Variants in TCEAL3 observed in about 807,000 individuals in gnomAD.
The protein encoded by TCEAL3 is transcription elongation factor A like 3.
For synonymous variants in TCEAL3, 41 were observed against 60.2 expected, an observed-to-expected ratio of 0.68 and a Z score of 1.48; for missense variants, 99 against 156.4, an observed-to-expected ratio of 0.63 and a Z score of 1.96.
intron 1 of TCEAL3, 64 bp from the exon 2 acceptor site, chrX:103,608,540 G>A: frequency 2.9e-6 from 1 of 350,048 alleles, no homozygotes; most frequent in Non-Finnish European, 4.7e-6. Flanking sequence ...TCAGGAAAGG[G>A]AACCGAGTCC....
At chrX:103,608,419 C>G (rs1476793258) in intron 1 of TCEAL3, among the ~76,000 whole-genome samples, 185 bp from the exon 2 acceptor site, 1 of 112,332 alleles carries the variant, frequency 8.9e-6, no homozygotes, top group Non-Finnish European at 1.9e-5. Flanking sequence ...GACACAGAGA[C>G]AAACGCAGTT....
chrX:103,608,816 C>A, intron 2 of TCEAL3, 143 bp downstream of exon 2: 1 of 515,422 alleles, frequency 1.9e-6, no homozygotes, highest in African/African-American at 2.4e-5. Flanking sequence ...TGAACCAGTG[C>A]AGAGAAGGTG....
Position 103,609,305 on chromosome X carries a change from G to T in TCEAL3, c.241G>T (p.Glu81Ter). 1 of 1,212,124 alleles carries T rather than the reference G, an allele frequency of 8.2e-7. No individual in the cohort carries two copies. The highest frequency in any genetic ancestry group is 1.1e-6 in the Non-Finnish European group (1 of 895,598). The stretch of plus-strand genomic sequence containing the variant: ...CGAAGGTGAGGGCAAGCCACAAGGC[G>T]AGGGCAAGCCAGCCTCCCAGGCAAA... ...RSEGEGKPQG[E>*]GKPASQAKPE... is the part of the protein sequence containing the mutation. Residue 81 changes from glutamate to a stop codon, truncating the protein, a stop_gained, in exon 3 of 3, where the codon GAG becomes TAG. Coordinates refer to ENST00000372627, the MANE Select transcript of TCEAL3 (RefSeq NM_032926.3). LOFTEE classifies it low-confidence loss of function (END_TRUNC).
Position 103,609,736 on chromosome X carries a change from T to C in TCEAL3, c.*69T>C. The C allele has an allele frequency of 8.6e-7, 1 of 1,156,675 alleles. No homozygotes were observed. The highest frequency in any genetic ancestry group is 1.2e-6 in the Non-Finnish European group (1 of 861,347). On this transcript the variant is annotated 3_prime_UTR_variant, in exon 3 of 3. Transcript: ENST00000372627. ...TGGCCCTGCTTTCCCTGGTAGGTATTTGCCAGGCCCAATGCTTTAACCTTA... is the reference window on the plus strand; with the variant it reads ...TGGCCCTGCTTTCCCTGGTAGGTATCTGCCAGGCCCAATGCTTTAACCTTA...
At chrX:103,608,968 A>T (rs2073642705) in intron 2 of TCEAL3, 70 bp from the exon 3 acceptor site, 1 of 1,135,271 alleles carries the variant, frequency 8.8e-7, no homozygotes, top group African/African-American at 1.8e-5. Flanking sequence ...CCAGACCTGC[A>T]TTCCACCCCA....
rs2073649922 is a variant in TCEAL3, at chrX:103,609,893, T to C, written c.*226T>C. On this transcript the variant is annotated 3_prime_UTR_variant, in exon 3 of 3. Coordinates refer to ENST00000372627, the MANE Select transcript of TCEAL3 (RefSeq NM_032926.3). The stretch of plus-strand genomic sequence containing the variant: ...ATGTTCATGGTACATTGTAAAAAAA[T>C]AAAATTAAAATTAAAAAAAGTTTGC... 4 of 403,443 alleles carry C rather than the reference T, an allele frequency of 9.9e-6. No individual in the cohort carries two copies. The East Asian group carries it at 1.7e-4, about 17-fold the overall frequency. The allele number at this position is 403,443 out of a possible 1,213,427, so 33.2% of individuals were successfully genotyped here.
chrX:103,608,946 T>C, intron 2 of TCEAL3, 92 bp from the exon 3 acceptor site: 1 of 1,096,705 alleles, frequency 9.1e-7, no homozygotes, highest in Non-Finnish European at 1.2e-6. Flanking sequence ...AGGGGTGAGA[T>C]GCAAGTACTA....
chrX:103,608,748 G>T, intron 2 of TCEAL3, 75 bp downstream of exon 2: 1 of 446,869 alleles, frequency 2.2e-6, no homozygotes, highest in Non-Finnish European at 3.7e-6. Flanking sequence ...GGCCCGGCCA[G>T]GGCCGAACTG....
At chrX:103,608,903 T>A (rs987352222) in intron 2 of TCEAL3, 135 bp from the exon 3 acceptor site, 1 of 919,153 alleles carries the variant, frequency 1.1e-6, no homozygotes, top group Non-Finnish European at 1.5e-6. Flanking sequence ...AAGGCCCTCT[T>A]GGGGGCCCTG....
Position 103,609,610 on chromosome X carries a change from G to C in TCEAL3, c.546G>C (p.Arg182Ser). The C allele has an allele frequency of 8.3e-7, 1 of 1,211,962 alleles. No homozygotes were observed. The highest frequency in any genetic ancestry group is 1.1e-6 in the Non-Finnish European group (1 of 895,567). The change falls in exon 3 of 3, where the codon AGG becomes AGC. Residue 182 changes from arginine (R) to serine (S), a missense_variant. By Grantham distance (110) the Arg-to-Ser change is moderately radical. Transcript: ENST00000372627. Reference protein sequence around the residue: ...PFAPRGQRGVRGVRGGGRGQR... With the variant: ...PFAPRGQRGVSGVRGGGRGQR... ...CCCCAAGGGGACAACGGGGTGTCAG[G>C]GGAGTGAGGGGTGGAGGTAGGGGCC...
Position 103,609,346 on chromosome X carries a change from G to T in TCEAL3, c.282G>T (p.Pro94=), listed in dbSNP as rs752835546. 2.5e-6 allele frequency: 3 copies of T among 1,211,913 alleles called. No homozygotes were observed. The highest frequency in any genetic ancestry group is 2.2e-5 in the Admixed American group (1 of 46,082). ...PASQAKPESQ[P]RAAEKRPAED... Reference sequence around the variant, plus strand: ...CCCAGGCAAAGCCAGAGAGCCAGCCGCGGGCCGCCGAAAAGCGCCCGGCTG... The same window carrying T: ...CCCAGGCAAAGCCAGAGAGCCAGCCTCGGGCCGCCGAAAAGCGCCCGGCTG... The change falls in exon 3 of 3, where the codon CCG becomes CCT. Residue 94 remains proline (P), a synonymous_variant. Transcript: ENST00000372627.
rs754999104 is a variant in TCEAL3, at chrX:103,609,107, G to A, written c.43G>A (p.Glu15Lys). The A allele has an allele frequency of 8.3e-7, 1 of 1,207,554 alleles. No individual in the cohort carries two copies. The highest frequency in any genetic ancestry group is 1.7e-5 in the African/African-American group (1 of 57,515). ...YNKNEGNLEN[E>K]GKPEDEVEPD... ...TAAAAATGAAGGAAACCTGGAAAAC[G>A]AGGGAAAGCCAGAAGATGAAGTAGA... The change falls in exon 3 of 3, where the codon GAG becomes AAG. Residue 15 changes from glutamate to lysine, a missense_variant. Glu to Lys is a moderately conservative substitution (Grantham distance 56). Transcript: ENST00000372627.
Position 103,609,843 on chromosome X carries a change from A to AT in TCEAL3, c.*180dup, listed in dbSNP as rs1212182657. Reference sequence around the variant, plus strand: ...ACGGCGCTCTATATTTTAGTAGAGGATTTTCACCCATGTGCATGGAAAAGA... The same window carrying AT: ...ACGGCGCTCTATATTTTAGTAGAGGATTTTTCACCCATGTGCATGGAAAAGA... On this transcript the variant is annotated 3_prime_UTR_variant, in exon 3 of 3. Transcript: ENST00000372627. The AT allele has an allele frequency of 9.1e-6, 5 of 547,587 alleles. No individual in the cohort carries two copies. The highest frequency in any genetic ancestry group is 1.4e-5 in the Non-Finnish European group (5 of 354,532). 45.1% of individuals were successfully genotyped at this position (547,587 alleles called of 1,213,427 possible).
chrX:103,608,345 A>T (rs2147633013), intron 1 of TCEAL3, among the ~76,000 whole-genome samples: 1 of 112,829 alleles, frequency 8.9e-6, no homozygotes, highest in South Asian at 3.6e-4. Flanking sequence ...ATCTGCTCCC[A>T]TGGAAACATC....
At chrX:103,608,198 G>A (rs12845537) in intron 1 of TCEAL3, 140 bp downstream of exon 1, 4,744 of 112,937 alleles carry the variant, frequency 0.042, 112 homozygotes, top group Non-Finnish European at 0.062. Context: ...AAGGGCGGGG[G>A]AGCCTGGCCC....
rs772162095 is a variant in TCEAL3 at position 103,609,406 on chromosome X, G to A, written c.342G>A (p.Thr114=). 5 of 1,211,564 alleles carry A rather than the reference G, an allele frequency of 4.1e-6. No homozygotes were observed. In the South Asian group the frequency reaches 5.3e-5, roughly 13 times the overall value. ...TGCCCCGGAAAGCAAAAAGAAAAAC[G>A]GACAGGGGGACGGACGATTCCCCCA... The part of the protein sequence containing the change: ...DYVPRKAKRK[T]DRGTDDSPKD... Residue 114 remains threonine (T), a synonymous_variant, in exon 3 of 3, where the codon ACG becomes ACA. Coordinates refer to ENST00000372627, the MANE Select transcript of TCEAL3 (RefSeq NM_032926.3).
Position 103,609,675 on chromosome X carries a change from G to A in TCEAL3, c.*8G>A, listed in dbSNP as rs1461869270. On this transcript the variant is annotated 3_prime_UTR_variant, in exon 3 of 3. Transcript: ENST00000372627. ...GATATCCCATACCTTTAATGCCTTT[G>A]GCCTTCCATTCTGATTTCTCTGATG... The A allele has an allele frequency of 8.3e-7, 1 of 1,204,000 alleles. No homozygotes were observed. Among genetic ancestry groups the A allele is most frequent in the South Asian group, 1.8e-5 (1 of 55,806 alleles).
At position 103,608,621 on chromosome X, in the gene TCEAL3, C is replaced by T. The variant is rs781553415; in HGVS notation, c.-80C>T. ...GTCCGCAGGTCTGCGCGTCTGTTCC[C>T]AGCGCTCTGCGAGGCCTAAAAAGGA... On this transcript the variant is annotated 5_prime_UTR_variant, in exon 2 of 3. Coordinates refer to ENST00000372627, the MANE Select transcript of TCEAL3 (RefSeq NM_032926.3). 8.1e-5 allele frequency: 54 copies of T among 664,809 alleles called. No homozygotes were observed. In the South Asian group the frequency reaches 1.3e-3, roughly 16 times the overall value. 54.8% of individuals were successfully genotyped at this position (664,809 alleles called of 1,213,427 possible).
At chrX:103,608,884 G>T (rs2073642230) in intron 2 of TCEAL3, among the ~76,000 whole-genome samples, 154 bp from the exon 3 acceptor site, 1 of 112,831 alleles carries the variant, frequency 8.9e-6, no homozygotes, top group African/African-American at 3.2e-5. Context: ...CAGGCTACGT[G>T]GTGGGCAGAA....
Sources: gnomAD v4.1 joint callset for allele counts (sites outside exome capture counted in the v4.1 genomes callset) on GRCh38, gnomAD v4.1.1 for gene constraint, MANE v1.5 for transcripts, NCBI Gene and HGNC (gene_info 2026-07-23, HGNC 2026-07-21) for gene names.